PITPNM3: variants seen among roughly 807,000 people sequenced by gnomAD.
PITPNM3 encodes the protein PITPNM family member 3.
Under a neutral mutation model 102.0 loss-of-function variants are expected in PITPNM3, and 26 were observed. The ratio of observed to expected loss-of-function variants is 0.25; its 90% CI spans 0.19 to 0.35. The LOEUF is 0.35. PITPNM3 is among the 10% of genes least tolerant of loss of function. The probability of loss-of-function intolerance (pLI) is 1.00; values close to 1 mark genes in which losing one functional copy is unlikely to be tolerated. For synonymous variants in PITPNM3, 578 were observed against 558.6 expected (o/e 1.03, Z -0.49); for missense variants, 1,083 against 1,346.1 (o/e 0.80, Z 3.06).
intron 9 of PITPNM3, 54 bp from the exon 10 acceptor site, chr17:6,474,658 C>T: frequency 6.6e-6 from 10 of 1,522,118 alleles, no homozygotes; most frequent in East Asian, 2.5e-5. Context: ...ACCGAGAATG[C>T]GGGAGTGTTC....
intron 1 of PITPNM3, among the ~76,000 whole-genome samples, chr17:6,539,619 A>C (rs971418832): frequency 6.6e-6 from 1 of 152,240 alleles, no homozygotes; most frequent in Admixed American, 6.5e-5. Flanking sequence ...CAAAATACTT[A>C]GGCATAAAGC....
intron 1 of PITPNM3, 76 bp from the exon 2 acceptor site, chr17:6,538,158 T>A (rs1055463172): frequency 9.1e-7 from 1 of 1,094,516 alleles, no homozygotes. Flanking sequence ...AAGACCCCCC[T>A]GGACTAAAGG....
intron 3 of PITPNM3, among the ~76,000 whole-genome samples, chr17:6,523,553 C>T (rs1228250884): frequency 6.6e-6 from 1 of 152,208 alleles, no homozygotes; most frequent in Non-Finnish European, 1.5e-5. Context: ...GGGTCTGAGT[C>T]ATACATTCTT....
chr17:6,489,744 G>A (rs186519998), intron 4 of PITPNM3, among the ~76,000 whole-genome samples: 8 of 152,290 alleles, frequency 5.3e-5, no homozygotes, highest in African/African-American at 9.6e-5. Context: ...CGTGGCTCAC[G>A]CCTGTAGTCC....
At position 6,537,828 on chromosome 17, in the gene PITPNM3, C is replaced by G. The variant is rs1388553899; in HGVS notation, c.118+159G>C. ...AACAGTGAACAGACGAAGGCTGAGC[C>G]CCTGCTCTTGGCACATCCACAGGAT... On this transcript the variant is annotated intron_variant, in intron 2 of 19. Transcript: ENST00000262483. The surrounding 1 kb of genome is among the most constrained non-coding windows in gnomAD (Gnocchi z 4.4). Among the ~76,000 whole-genome samples, 2 of 152,196 alleles carry G rather than the reference C, an allele frequency of 1.3e-5. No individual in the cohort carries two copies. The highest frequency in any genetic ancestry group is 3.9e-4 in the East Asian group (2 of 5,184).
intron 2 of PITPNM3, among the ~76,000 whole-genome samples, chr17:6,527,276 A>G (rs1187098688): frequency 6.6e-6 from 1 of 152,218 alleles, no homozygotes; most frequent in African/African-American, 2.4e-5. Context: ...TTCTCATGTT[A>G]GATTGATTTT....
intron 1 of PITPNM3, 119 bp from the exon 2 acceptor site, chr17:6,538,201 C>T (rs1909549449): frequency 1.3e-6 from 1 of 743,360 alleles, no homozygotes; most frequent in African/African-American, 1.7e-5. Context: ...GTGCCCTCTC[C>T]CTCCGAGGCC....
At position 6,478,123 on chromosome 17, in the gene PITPNM3, AGGCCTGCCCAC is replaced by A. The variant is rs1209247820; in HGVS notation, c.778-37_778-27del. 6.2e-7 allele frequency: 1 copy of A among 1,612,016 alleles called. No homozygotes were observed. The highest frequency in any genetic ancestry group is 8.5e-7 in the Non-Finnish European group (1 of 1,180,014). On this transcript the variant is annotated intron_variant, in intron 7 of 19. Transcript: ENST00000262483. The surrounding 1 kb of genome is among the most constrained non-coding windows in gnomAD (Gnocchi z 4.4). ...CTGGAAGAGATGCAGCTGGGACTGC[AGGCCTGCCCAC>A]TGCTGACCCCTCACCCCCACACCCG...
Position 6,457,536 on chromosome 17 carries a change from C to G in PITPNM3, c.2619+58G>C. On this transcript the variant is annotated intron_variant, in intron 19 of 19. Coordinates refer to ENST00000262483, the MANE Select transcript of PITPNM3 (RefSeq NM_031220.4). This position sits in a 1 kb window ranked among gnomAD's most constrained non-coding sequence, Gnocchi z 4.7. Reference sequence around the variant, plus strand: ...TGAATGAATGAAGTGCTTACTCCCTCTATCCCTTTCCCTGACCTCCCTCAC... The same window carrying G: ...TGAATGAATGAAGTGCTTACTCCCTGTATCCCTTTCCCTGACCTCCCTCAC... The G allele has an allele frequency of 6.2e-7, 1 of 1,609,892 alleles. No homozygotes were observed. The highest frequency in any genetic ancestry group is 8.5e-7 in the Non-Finnish European group (1 of 1,177,768).
intron 1 of PITPNM3, among the ~76,000 whole-genome samples, chr17:6,540,137 T>C (rs1402447160): frequency 1.3e-5 from 2 of 152,074 alleles, no homozygotes; most frequent in African/African-American, 4.8e-5. Context: ...GTCAGCTCCA[T>C]TTGAGGGAGC....
intron 4 of PITPNM3, among the ~76,000 whole-genome samples, chr17:6,492,285 G>A (rs968980080): frequency 5.9e-5 from 9 of 151,730 alleles, no homozygotes; most frequent in East Asian, 2.0e-4. Context: ...GGATGGTCTC[G>A]ATCTCTTGAC....
At chr17:6,534,924 G>A (rs1019176078) in intron 2 of PITPNM3, among the ~76,000 whole-genome samples, 1 of 152,164 alleles carries the variant, frequency 6.6e-6, no homozygotes, top group African/African-American at 2.4e-5. Context: ...GGAGTTGGCT[G>A]CAAGTACCCA....
At chr17:6,555,819 G>A (rs948856847) in intron 1 of PITPNM3, among the ~76,000 whole-genome samples, 16 of 152,362 alleles carry the variant, frequency 1.1e-4, no homozygotes, top group African/African-American at 3.1e-4. Context: ...CCGCAGCTGA[G>A]GCTTTGCGTC....
At chr17:6,495,803 T>G (rs1215964782) in intron 4 of PITPNM3, among the ~76,000 whole-genome samples, 3 of 152,090 alleles carry the variant, frequency 2.0e-5, no homozygotes, top group Non-Finnish European at 2.9e-5. Context: ...TGCAAGGGAA[T>G]GTACAGTCAA....
intron 5 of PITPNM3, 92 bp from the exon 6 acceptor site, chr17:6,483,844 C>T (rs1254317881): frequency 2.9e-6 from 3 of 1,051,784 alleles, no homozygotes; most frequent in Non-Finnish European, 4.3e-6. Context: ...CGCATACACA[C>T]ACACTCACAC....
rs1417368147 is a variant in PITPNM3 at position 6,457,767 on chromosome 17, C to A, written c.2491-45G>T. ...TAGGGGGAGAGTGAGGCCAGCCCAC[C>A]CCCTGGAAAGCCTTCCCAGGCCAAC... is the stretch of plus-strand genomic sequence containing the variant. On this transcript the variant is annotated intron_variant, in intron 18 of 19. Coordinates refer to ENST00000262483, the MANE Select transcript of PITPNM3 (RefSeq NM_031220.4). The surrounding 1 kb of genome is among the most constrained non-coding windows in gnomAD (Gnocchi z 4.7). 1 of 1,554,426 alleles carries A rather than the reference C, an allele frequency of 6.4e-7. No individual in the cohort carries two copies. The highest frequency in any genetic ancestry group is 1.9e-5 in the Admixed American group (1 of 51,434).
chr17:6,504,156 G>C (rs907940), intron 3 of PITPNM3, among the ~76,000 whole-genome samples: 114,095 of 152,050 alleles, frequency 0.75, 43,057 homozygotes, highest in Middle Eastern at 0.85. Flanking sequence ...TTCCAAGGCA[G>C]AAAGCGAAGT....
At chr17:6,549,270 C>G (rs1292694057) in intron 1 of PITPNM3, among the ~76,000 whole-genome samples, 1 of 152,226 alleles carries the variant, frequency 6.6e-6, no homozygotes, top group Non-Finnish European at 1.5e-5. Flanking sequence ...ACTGTGCCAA[C>G]TCCAGCCACA....
intron 4 of PITPNM3, among the ~76,000 whole-genome samples, chr17:6,490,642 G>A (rs765817917): frequency 1.3e-4 from 20 of 152,062 alleles, no homozygotes; most frequent in Admixed American, 9.8e-4. Flanking sequence ...ATAAACAAAC[G>A]CTTTGAGGAC....
Sources: gnomAD v4.1 joint callset for allele counts (sites outside exome capture counted in the v4.1 genomes callset) on GRCh38, gnomAD v4.1.1 for gene constraint, Gnocchi (gnomAD v3.1) non-coding constraint, MANE v1.5 for transcripts, NCBI Gene and HGNC (gene_info 2026-07-23, HGNC 2026-07-21) for gene names.